FHIT: variants seen among roughly 807,000 people sequenced by gnomAD.
FHIT encodes the protein fragile histidine triad diadenosine triphosphatase, also known as bis(5'-adenosyl)-triphosphatase.
In FHIT, 19 loss-of-function variants were observed where a neutral mutation model predicts 17.9. That is an observed-to-expected ratio of 1.06 (90% CI 0.74 to 1.56). The LOEUF is 1.56. Ranked by LOEUF, FHIT falls within the 40% of genes most tolerant of loss-of-function variation. The pLI is 0.00. For missense variants in FHIT, 248 were observed against 189.2 expected, an observed-to-expected ratio of 1.31 and a Z score of -1.82; for synonymous variants, 81 against 69.7, an observed-to-expected ratio of 1.16 and a Z score of -0.81.
intron 5 of FHIT, among the ~76,000 whole-genome samples, chr3:60,452,286 G>A (rs76939782): frequency 2.1e-3 from 321 of 152,188 alleles, no homozygotes; most frequent in African/African-American, 7.3e-3. Context: ...TGCACCAAGC[G>A]ATTCATATGC....
rs936359091 is a variant in FHIT at position 59,840,407 on chromosome 3, AAAG to A, written c.348+81936_348+81938del. 9.9e-5 allele frequency among the ~76,000 whole-genome samples: 15 copies of A among 151,322 alleles called. No homozygotes were observed. In the South Asian group the frequency reaches 2.7e-3, roughly 28 times the overall value. ...TTATCCCCCTTTAAAAAAAAAAAAA[AAAG>A]AAAGAAACCATCTATCAAAATTTCA... is the stretch of plus-strand genomic sequence containing the variant. On this transcript the variant is annotated intron_variant, in intron 8 of 9. Coordinates refer to ENST00000492590, the MANE Select transcript of FHIT (RefSeq NM_002012.4).
At chr3:60,664,195 T>C (rs564418401) in intron 4 of FHIT, among the ~76,000 whole-genome samples, 2 of 152,266 alleles carry the variant, frequency 1.3e-5, no homozygotes, top group East Asian at 1.9e-4. Flanking sequence ...GATGATATTA[T>C]TTACTTTTTT....
intron 5 of FHIT, among the ~76,000 whole-genome samples, chr3:60,385,779 C>T (rs1473554225): frequency 2.0e-5 from 3 of 152,180 alleles, no homozygotes; most frequent in East Asian, 1.9e-4. Context: ...TGTCTTACTA[C>T]ATTGCCTAGA....
chr3:60,843,623 G>T (rs1315576598), intron 3 of FHIT, among the ~76,000 whole-genome samples: 1 of 152,156 alleles, frequency 6.6e-6, no homozygotes, highest in Non-Finnish European at 1.5e-5. Flanking sequence ...GGGACACCTG[G>T]ATAACTAGAA....
intron 5 of FHIT, among the ~76,000 whole-genome samples, chr3:60,407,469 C>T (rs2107212715): frequency 6.6e-6 from 1 of 152,172 alleles, no homozygotes; most frequent in Non-Finnish European, 1.5e-5. Context: ...GAAATATAGG[C>T]AAGTTTAGAT....
At chr3:60,076,322 T>C (rs1242606761) in intron 5 of FHIT, among the ~76,000 whole-genome samples, 1 of 152,126 alleles carries the variant, frequency 6.6e-6, no homozygotes, top group African/African-American at 2.4e-5. Context: ...GTATTCAGAA[T>C]GAGGTCCAGT....
intron 4 of FHIT, among the ~76,000 whole-genome samples, chr3:60,688,145 C>T (rs911992839): frequency 6.6e-6 from 1 of 152,076 alleles, no homozygotes; most frequent in Non-Finnish European, 1.5e-5. Flanking sequence ...GTTTAATAAA[C>T]ATTTCACAAT....
chr3:60,161,166 T>C (rs1158545634), intron 5 of FHIT, among the ~76,000 whole-genome samples: 1 of 152,240 alleles, frequency 6.6e-6, no homozygotes, highest in Non-Finnish European at 1.5e-5. Context: ...TCTATTTTTA[T>C]CTGCCCATCA....
At chr3:60,171,057 T>A (rs975292390) in intron 5 of FHIT, among the ~76,000 whole-genome samples, 1 of 152,134 alleles carries the variant, frequency 6.6e-6, no homozygotes, top group South Asian at 2.1e-4. Context: ...ACTGATAAAA[T>A]TAAACATTTT....
chr3:60,574,269 G>A (rs1387009278), intron 4 of FHIT, among the ~76,000 whole-genome samples: 10 of 151,600 alleles, frequency 6.6e-5, no homozygotes, highest in Admixed American at 2.0e-4. Context: ...GCCTTTTCTT[G>A]AAGAACAAGA....
At chr3:60,999,323 T>C (rs1186385902) in intron 3 of FHIT, among the ~76,000 whole-genome samples, 1 of 152,054 alleles carries the variant, frequency 6.6e-6, no homozygotes, top group Admixed American at 6.6e-5. Context: ...CTGTGTTTGG[T>C]GATGGCTCTT....
intron 3 of FHIT, among the ~76,000 whole-genome samples, chr3:60,972,624 T>C (rs900280994): frequency 6.6e-6 from 1 of 152,082 alleles, no homozygotes; most frequent in Non-Finnish European, 1.5e-5. Context: ...TTTGGAAAAT[T>C]CTTTACTGCT....
intron 3 of FHIT, among the ~76,000 whole-genome samples, chr3:60,997,420 TA>T (rs894448862): frequency 1.8e-3 from 263 of 149,698 alleles, no homozygotes; most frequent in African/African-American, 6.2e-3. Context: ...TGACTTCTCT[TA>T]AAAAAAAAAT....
At chr3:60,814,108 C>G (rs1307409678) in intron 4 of FHIT, among the ~76,000 whole-genome samples, 2 of 152,028 alleles carry the variant, frequency 1.3e-5, no homozygotes, top group Non-Finnish European at 2.9e-5. Flanking sequence ...AAAACTTATT[C>G]ATTTTGTCAA....
At chr3:60,708,151 C>T (rs1356363447) in intron 4 of FHIT, among the ~76,000 whole-genome samples, 1 of 152,082 alleles carries the variant, frequency 6.6e-6, no homozygotes, top group Non-Finnish European at 1.5e-5. Context: ...TAATTTTATC[C>T]TAGTAATTAT....
At chr3:60,411,364 C>T (rs920899474) in intron 5 of FHIT, among the ~76,000 whole-genome samples, 2 of 152,082 alleles carry the variant, frequency 1.3e-5, no homozygotes, top group African/African-American at 2.4e-5. Flanking sequence ...TTTTTTATAA[C>T]CTCCTCTTAC....
chr3:60,880,983 A>G (rs919517120), intron 3 of FHIT, among the ~76,000 whole-genome samples: 2 of 152,200 alleles, frequency 1.3e-5, no homozygotes, highest in African/African-American at 4.8e-5. Flanking sequence ...AAAGACATAG[A>G]CTGACTTAAT....
intron 5 of FHIT, among the ~76,000 whole-genome samples, chr3:60,073,092 TGTGA>T (rs1361582772): frequency 3.9e-5 from 6 of 152,228 alleles, no homozygotes; most frequent in South Asian, 2.1e-4. Flanking sequence ...TTTCTGCAGG[TGTGA>T]GTAATTAGAA....
At chr3:61,171,398 T>A (rs1252853807) in intron 2 of FHIT, among the ~76,000 whole-genome samples, 1 of 152,212 alleles carries the variant, frequency 6.6e-6, no homozygotes, top group Non-Finnish European at 1.5e-5. Context: ...ATTCTATAGG[T>A]TGTCTGTTTA....
Sources: allele counts gnomAD v4.1 joint callset (sites outside exome capture counted in the v4.1 genomes callset), GRCh38; gene constraint gnomAD v4.1.1; transcripts MANE v1.5; gene names NCBI Gene and HGNC (gene_info 2026-07-23, HGNC 2026-07-21).